SETD5: variants seen among roughly 807,000 people sequenced by gnomAD.
SETD5 encodes SET domain containing 5.
SETD5 carries 44 observed loss-of-function variants against 153.3 expected under a neutral mutation model. That is an observed-to-expected ratio of 0.29 (90% confidence interval 0.23 to 0.37). The LOEUF is 0.37. SETD5 is among the 10% of genes least tolerant of loss of function. The probability of loss-of-function intolerance (pLI) is 1.00; values close to 1 mark genes in which losing one functional copy is unlikely to be tolerated. For synonymous variants in SETD5, 716 were observed against 645.2 expected (o/e 1.11, Z -1.66); for missense variants, 1,544 against 1,768.0 (o/e 0.87, Z 2.27).
chr3:9,415,696 C>T (rs1300217191), intron 1 of SETD5, among the ~76,000 whole-genome samples: 1 of 151,600 alleles, frequency 6.6e-6, no homozygotes, highest in East Asian at 1.9e-4. Context: ...GGATCGGGAT[C>T]CTCCCACCTC....
intron 17 of SETD5, among the ~76,000 whole-genome samples, chr3:9,454,873 A>G (rs2043044343): frequency 6.6e-6 from 1 of 152,088 alleles, no homozygotes; most frequent in South Asian, 2.1e-4. Context: ...ACTTTTCTCT[A>G]AATCAGTTTT....
At chr3:9,400,103 C>G (rs1258421407) in intron 1 of SETD5, among the ~76,000 whole-genome samples, 1 of 152,212 alleles carries the variant, frequency 6.6e-6, no homozygotes, top group Admixed American at 6.5e-5. Context: ...GGAATTTTCA[C>G]TGCTGAGCTG....
At chr3:9,444,455 G>T (rs879421722) in intron 11 of SETD5, among the ~76,000 whole-genome samples, 1 of 152,126 alleles carries the variant, frequency 6.6e-6, no homozygotes, top group Non-Finnish European at 1.5e-5. Flanking sequence ...GATGAGTATG[G>T]CCACATCAGA....
chr3:9,469,031 G>T (rs1205835040), intron 18 of SETD5, among the ~76,000 whole-genome samples: 2 of 152,130 alleles, frequency 1.3e-5, no homozygotes, highest in African/African-American at 2.4e-5. Context: ...TAACAGCTCT[G>T]TAAACCAGAT....
chr3:9,408,862 TAA>T (rs892431738), intron 1 of SETD5, among the ~76,000 whole-genome samples: 36 of 152,286 alleles, frequency 2.4e-4, no homozygotes, highest in Middle Eastern at 6.8e-3. Context: ...AGAAAAATTT[TAA>T]GTTATTTATT....
chr3:9,408,946 A>G (rs2036141461), intron 1 of SETD5, among the ~76,000 whole-genome samples: 1 of 152,178 alleles, frequency 6.6e-6, no homozygotes, highest in Non-Finnish European at 1.5e-5. Context: ...AACATTTTTA[A>G]TTTTATAAGT....
rs901766753 is a variant in SETD5, at chr3:9,431,089, A to G, written c.71+2080A>G. The G allele has an allele frequency of 3.0e-6, 3 of 985,340 alleles. No individual in the cohort carries two copies. The African/African-American group carries it at 5.2e-5, about 17-fold the overall frequency. 61.0% of individuals were successfully genotyped at this position (985,340 alleles called of 1,614,324 possible). ...GATTAAACCTGGTATTAAGTGCAGC[A>G]TACTCAACTAGATGTAGACTTCACT... On this transcript the variant is annotated intron_variant, in intron 3 of 22. Coordinates refer to ENST00000402198, the MANE Select transcript of SETD5 (RefSeq NM_001080517.3).
At position 9,402,708 on chromosome 3, in the gene SETD5, A is replaced by G. The variant is rs535950186; in HGVS notation, c.-177+4731A>G. On this transcript the variant is annotated intron_variant, in intron 1 of 22. Coordinates refer to ENST00000402198, the MANE Select transcript of SETD5 (RefSeq NM_001080517.3). ...TGCCTTAGCCATGTTAGTTACATGTATACTTTTGGCCTATGTTATGAATCA... is the reference window on the plus strand; with the variant it reads ...TGCCTTAGCCATGTTAGTTACATGTGTACTTTTGGCCTATGTTATGAATCA... 7.2e-5 allele frequency among the ~76,000 whole-genome samples: 11 copies of G among 152,328 alleles called. No individual in the cohort carries two copies. In the East Asian group the frequency reaches 9.6e-4, roughly 13 times the overall value.
intron 15 of SETD5, 87 bp from the exon 16 acceptor site, chr3:9,448,301 C>G: frequency 6.6e-7 from 1 of 1,517,776 alleles, no homozygotes; most frequent in South Asian, 1.3e-5. Flanking sequence ...GCATCTCCTC[C>G]TGTCCTAGTT....
chr3:9,433,753 G>A, intron 3 of SETD5, 92 bp from the exon 4 acceptor site: 2 of 1,302,794 alleles, frequency 1.5e-6, no homozygotes, highest in Non-Finnish European at 2.2e-6. Flanking sequence ...AGTGGTTGTG[G>A]AAAGAGGAGG....
intron 1 of SETD5, among the ~76,000 whole-genome samples, chr3:9,419,115 C>T (rs1025383312): frequency 1.3e-5 from 2 of 152,188 alleles, no homozygotes; most frequent in South Asian, 2.1e-4. Flanking sequence ...GCATGAGCCA[C>T]CACACCCGGC....
At chr3:9,432,095 G>A (rs945883221) in intron 3 of SETD5, among the ~76,000 whole-genome samples, 4 of 151,986 alleles carry the variant, frequency 2.6e-5, no homozygotes, top group African/African-American at 7.2e-5. Context: ...AATACTCAGA[G>A]ATGATTGCCT....
At chr3:9,453,600 CAA>C (rs1553629589) in intron 16 of SETD5, 137 bp from the exon 17 acceptor site, 1 of 735,602 alleles carries the variant, frequency 1.4e-6, no homozygotes, top group Non-Finnish European at 2.0e-6. Context: ...TGCTGAGACA[CAA>C]GACAATAAAA....
intron 1 of SETD5, among the ~76,000 whole-genome samples, chr3:9,410,249 G>T (rs2036351027): frequency 6.6e-6 from 1 of 152,162 alleles, no homozygotes; most frequent in East Asian, 1.9e-4. Context: ...AAATGGAAAA[G>T]ATAAAGTAAA....
chr3:9,471,557 T>C (rs1260231380), intron 19 of SETD5, among the ~76,000 whole-genome samples: 1 of 152,126 alleles, frequency 6.6e-6, no homozygotes, highest in African/African-American at 2.4e-5. Flanking sequence ...AGTTGGATGT[T>C]GTTGTATCAG....
At chr3:9,425,406 T>G (rs2039032847) in intron 2 of SETD5, among the ~76,000 whole-genome samples, 1 of 152,120 alleles carries the variant, frequency 6.6e-6, no homozygotes, top group African/African-American at 2.4e-5. Flanking sequence ...CCAAAATAGC[T>G]GGGTTGGTGT....
At chr3:9,398,427 T>A (rs1265261994) in intron 1 of SETD5, 1 of 151,566 alleles carries the variant, frequency 6.6e-6, no homozygotes, top group Non-Finnish European at 1.5e-5. Context: ...CTGATCGCTC[T>A]GGGGGCCGCG....
intron 18 of SETD5, among the ~76,000 whole-genome samples, chr3:9,465,482 A>G (rs2044447198): frequency 1.3e-5 from 2 of 152,174 alleles, no homozygotes; most frequent in South Asian, 4.1e-4. Flanking sequence ...TCTCAGAAAA[A>G]TTTGTTCTGA....
intron 19 of SETD5, among the ~76,000 whole-genome samples, chr3:9,471,325 T>C (rs537411244): frequency 1.3e-5 from 2 of 152,320 alleles, no homozygotes; most frequent in Admixed American, 1.3e-4. Context: ...AACTTTCCCG[T>C]GGTCACACAG....
Sources: allele counts gnomAD v4.1 joint callset (sites outside exome capture counted in the v4.1 genomes callset), GRCh38; gene constraint gnomAD v4.1.1; transcripts MANE v1.5; gene names NCBI Gene and HGNC (gene_info 2026-07-23, HGNC 2026-07-21).